EHD4: variants seen among roughly 807,000 people sequenced by gnomAD.
The protein encoded by EHD4 is EH domain-containing protein 4.
Under a neutral mutation model 51.0 loss-of-function variants are expected in EHD4, and 37 were observed. The observed-to-expected ratio is 0.73, with a 90% CI of 0.56 to 0.95. The LOEUF is 0.95. Ranked by LOEUF, EHD4 falls within the 40% of genes least tolerant of loss-of-function variation. The pLI is 0.00. For missense variants in EHD4, 632 were observed against 733.1 expected, an observed-to-expected ratio of 0.86 and a Z score of 1.59; for synonymous variants, 297 against 317.3, an observed-to-expected ratio of 0.94 and a Z score of 0.68.
chr15:41,919,295 T>C lies in EHD4; in HGVS notation c.839A>G (p.Asp280Gly), dbSNP rs759263318. 6.2e-7 allele frequency: 1 copy of C among 1,614,100 alleles called. No individual in the cohort carries two copies. Among genetic ancestry groups the C allele is most frequent in the South Asian group, 1.1e-5 (1 of 91,078 alleles). The change falls in exon 4 of 6, where the codon GAC becomes GGC. Residue 280 changes from aspartate (D) to glycine (G), a missense_variant. By Grantham distance (94) the Asp-to-Gly change is moderately conservative (BLOSUM62 -1). Transcript: ENST00000220325. Reference sequence around the variant, plus strand: ...GAGGCTCTGGATGTCTCTAAAGAGGTCCTGGGCCTCAGCCTCGAAGAGCCG... The same window carrying C: ...GAGGCTCTGGATGTCTCTAAAGAGGCCCTGGGCCTCAGCCTCGAAGAGCCG... ...NRRLFEAEAQ[D>G]LFRDIQSLPQ...
intron 1 of EHD4, among the ~76,000 whole-genome samples, chr15:41,962,226 AT>A (rs573254068): frequency 3.3e-5 from 5 of 151,736 alleles, no homozygotes; most frequent in African/African-American, 4.8e-5. Flanking sequence ...TCCCAGTGGG[AT>A]TTTTTTTTGT....
chr15:41,925,343 C>T (rs1263169402), intron 3 of EHD4, among the ~76,000 whole-genome samples: 2 of 152,198 alleles, frequency 1.3e-5, no homozygotes, highest in African/African-American at 4.8e-5. Context: ...GGCTAACCTG[C>T]ATCCTGCTTT....
intron 1 of EHD4, among the ~76,000 whole-genome samples, chr15:41,971,042 A>G (rs1156405626): frequency 1.3e-5 from 2 of 152,244 alleles, no homozygotes; most frequent in Non-Finnish European, 2.9e-5. Context: ...TTCACACTCA[A>G]TTTATTATCT....
At chr15:41,927,242 T>A (rs1038265923) in intron 3 of EHD4, among the ~76,000 whole-genome samples, 1 of 152,360 alleles carries the variant, frequency 6.6e-6, no homozygotes, top group South Asian at 2.1e-4. Context: ...TACATTTGGT[T>A]TATTCCTCCA....
Position 41,900,463 on chromosome 15 carries a change from A to T in EHD4, c.*182T>A. On this transcript the variant is annotated 3_prime_UTR_variant, in exon 6 of 6. Transcript: ENST00000220325. This position sits in a 1 kb window ranked among gnomAD's most constrained non-coding sequence, Gnocchi z 4.8. ...TACCCCCAATATTTTCATAGAAACTAAGGGAATTTTGGAGGTGAAAGAAGT... is the reference window on the plus strand; with the variant it reads ...TACCCCCAATATTTTCATAGAAACTTAGGGAATTTTGGAGGTGAAAGAAGT... The T allele has an allele frequency of 3.2e-6, 2 of 624,600 alleles. No homozygotes were observed. The highest frequency in any genetic ancestry group is 2.2e-5 in the South Asian group (1 of 46,426). 38.7% of individuals were successfully genotyped at this position (624,600 alleles called of 1,614,324 possible).
At chr15:41,969,993 C>G (rs545174895) in intron 1 of EHD4, among the ~76,000 whole-genome samples, 13 of 152,160 alleles carry the variant, frequency 8.5e-5, no homozygotes, top group Admixed American at 8.5e-4. Context: ...CAACCCAGAC[C>G]ACTAACCAGG....
chr15:41,912,035 C>T (rs2067553460), intron 4 of EHD4, among the ~76,000 whole-genome samples: 2 of 152,200 alleles, frequency 1.3e-5, no homozygotes, highest in Non-Finnish European at 2.9e-5. Context: ...ACCTGCCACA[C>T]CCTTCACCCA....
chr15:41,932,882 G>A (rs1268998673), intron 3 of EHD4, among the ~76,000 whole-genome samples: 2 of 152,202 alleles, frequency 1.3e-5, no homozygotes, highest in Non-Finnish European at 2.9e-5. Flanking sequence ...GAAATGCTGA[G>A]CGCTTGGCCG....
At chr15:41,904,989 G>A (rs933200705) in intron 5 of EHD4, among the ~76,000 whole-genome samples, 6 of 152,260 alleles carry the variant, frequency 3.9e-5, no homozygotes, top group African/African-American at 1.4e-4. Context: ...CTCCATGAGA[G>A]AACAGGGAGA....
At chr15:41,936,368 G>C (rs759835219) in intron 3 of EHD4, among the ~76,000 whole-genome samples, 117 of 152,196 alleles carry the variant, frequency 7.7e-4, no homozygotes, top group Non-Finnish European at 1.1e-3. Flanking sequence ...TGGGATAATT[G>C]CTCCTACCTC....
Position 41,898,861 on chromosome 15 carries a change from A to G in EHD4, c.*1784T>C, listed in dbSNP as rs559317135. ...ATAAAAATAAAAATAATAAAATAATAAATGGTTCTTTTCTATGCGTCTAAT... is the reference window on the plus strand; with the variant it reads ...ATAAAAATAAAAATAATAAAATAATGAATGGTTCTTTTCTATGCGTCTAAT... On this transcript the variant is annotated 3_prime_UTR_variant, in exon 6 of 6. Transcript: ENST00000220325. The G allele has an allele frequency of 1.3e-5, 2 of 152,236 alleles. No homozygotes were observed. The highest frequency in any genetic ancestry group is 2.9e-5 in the Non-Finnish European group (2 of 68,022). 9.4% of individuals were successfully genotyped at this position (152,236 alleles called of 1,614,324 possible). A position where few individuals can be genotyped will look rare whatever the true frequency, so the allele number is the denominator to read the frequency against.
intron 2 of EHD4, among the ~76,000 whole-genome samples, chr15:41,947,262 C>T (rs559293202): frequency 2.0e-5 from 3 of 152,288 alleles, no homozygotes; most frequent in African/African-American, 7.2e-5. Flanking sequence ...CTGGAACTTG[C>T]CCCTAAGAGG....
chr15:41,961,876 C>T (rs2067926471), intron 1 of EHD4, among the ~76,000 whole-genome samples: 2 of 151,732 alleles, frequency 1.3e-5, no homozygotes, highest in African/African-American at 2.4e-5. Context: ...GTAACTGATA[C>T]AGTTATCTAT....
At chr15:41,928,037 CTCAGGTATTATAAATACACT>C (rs535685695) in intron 3 of EHD4, among the ~76,000 whole-genome samples, 24 of 152,262 alleles carry the variant, frequency 1.6e-4, no homozygotes, top group Admixed American at 1.2e-3. Context: ...TCTGGGATCG[CTCAGGTATTATAAATACACT>C]TCGAAAAGAG....
At chr15:41,946,262 T>C (rs1401795667) in intron 2 of EHD4, among the ~76,000 whole-genome samples, 1 of 152,158 alleles carries the variant, frequency 6.6e-6, no homozygotes, top group East Asian at 1.9e-4. Context: ...TGATAAATGT[T>C]GTCTTCTGAA....
intron 1 of EHD4, among the ~76,000 whole-genome samples, chr15:41,965,012 T>C (rs1361214090): frequency 1.3e-5 from 2 of 152,188 alleles, no homozygotes; most frequent in Non-Finnish European, 2.9e-5. Context: ...AGTCAAGTGA[T>C]TTGTCCACCT....
intron 5 of EHD4, among the ~76,000 whole-genome samples, chr15:41,907,069 T>C (rs1595529947): frequency 6.6e-6 from 1 of 152,096 alleles, no homozygotes; most frequent in South Asian, 2.1e-4. Context: ...GTAGCTCTGG[T>C]CCCAGAGCCT....
chr15:41,959,814 A>C (rs1003162920), intron 1 of EHD4, among the ~76,000 whole-genome samples: 5 of 152,048 alleles, frequency 3.3e-5, no homozygotes, highest in Non-Finnish European at 5.9e-5. Flanking sequence ...TACTAAAAGC[A>C]CAAAAATTAG....
chr15:41,903,843 A>G (rs1020453023), intron 5 of EHD4, among the ~76,000 whole-genome samples: 1 of 152,114 alleles, frequency 6.6e-6, no homozygotes, highest in African/African-American at 2.4e-5. Context: ...CAGCCATCAA[A>G]CCATGCAAAC....
Sources: allele counts gnomAD v4.1 joint callset (sites outside exome capture counted in the v4.1 genomes callset), GRCh38; gene constraint gnomAD v4.1.1; non-coding constraint Gnocchi (gnomAD v3.1); transcripts MANE v1.5; gene names NCBI Gene and HGNC (gene_info 2026-07-23, HGNC 2026-07-21).